The following HERC1 variants were observed in gnomAD, a reference collection of about 807,000 sequenced individuals.
The protein encoded by HERC1 is probable E3 ubiquitin-protein ligase HERC1.
A neutral mutation model predicts 554.3 loss-of-function variants in HERC1; 160 were observed. The observed-to-expected ratio is 0.29, with a 90% CI of 0.25 to 0.33. The LOEUF is 0.33. Among genes scored for constraint, HERC1 ranks in the 10% least tolerant of loss-of-function variants. HERC1 has a pLI of 1.00. For missense variants in HERC1, 4,919 were observed against 5,918.5 expected (o/e 0.83, Z 5.54); for synonymous variants, 2,175 against 2,131.7 (o/e 1.02, Z -0.56).
At chr15:63,774,509 CTG>C (rs1302839946) in intron 2 of HERC1, among the ~76,000 whole-genome samples, 183 bp downstream of exon 2, 1 of 152,204 alleles carries the variant, frequency 6.6e-6, no homozygotes, top group Non-Finnish European at 1.5e-5. Flanking sequence ...AGTCTTAACA[CTG>C]TACCAACCAT....
At chr15:63,667,045 GC>G (rs1275310581) in intron 40 of HERC1, among the ~76,000 whole-genome samples, 3 of 152,188 alleles carry the variant, frequency 2.0e-5, no homozygotes, top group African/African-American at 7.2e-5. Flanking sequence ...GCACAAGGAT[GC>G]TGTAATGTGC....
At chr15:63,740,866 T>G (rs1396597511) in intron 12 of HERC1, among the ~76,000 whole-genome samples, 1 of 152,230 alleles carries the variant, frequency 6.6e-6, no homozygotes. Context: ...TCTCCCATTC[T>G]GTGTGCTGTC....
intron 21 of HERC1, 99 bp from the exon 22 acceptor site, chr15:63,716,572 G>T: frequency 1.0e-6 from 1 of 976,262 alleles, no homozygotes; most frequent in Non-Finnish European, 1.5e-6. Flanking sequence ...AAATATTGTT[G>T]ATATCAGTAA....
rs1422765155 is a variant in HERC1, at chr15:63,758,902, T to TC, written c.1027-534_1027-533insG. Among the ~76,000 whole-genome samples, 4 of 151,560 alleles carry TC rather than the reference T, an allele frequency of 2.6e-5. No individual in the cohort carries two copies. The highest frequency in any genetic ancestry group is 9.7e-5 in the African/African-American group (4 of 41,214). On this transcript the variant is annotated intron_variant, in intron 3 of 77. Coordinates refer to ENST00000443617, the MANE Select transcript of HERC1 (RefSeq NM_003922.4). The surrounding 1 kb of genome is among the most constrained non-coding windows in gnomAD (Gnocchi z 4.0). ...CTCAACCACTTCCCCACCCCCAACT[T>TC]TTTTTTTAAATAGATGGGGTCTCAT...
intron 19 of HERC1, among the ~76,000 whole-genome samples, chr15:63,721,433 G>A (rs2073816042): frequency 6.6e-6 from 1 of 152,142 alleles, no homozygotes; most frequent in Non-Finnish European, 1.5e-5. Flanking sequence ...GGCTGAGGCA[G>A]GAGAATCGTT....
At chr15:63,731,537 C>T (rs2074292221) in intron 14 of HERC1, among the ~76,000 whole-genome samples, 1 of 152,074 alleles carries the variant, frequency 6.6e-6, no homozygotes, top group African/African-American at 2.4e-5. Context: ...CAATATTGTT[C>T]TTATCCATTT....
At chr15:63,743,131 C>G (rs1276084588) in intron 12 of HERC1, among the ~76,000 whole-genome samples, 4 of 151,950 alleles carry the variant, frequency 2.6e-5, no homozygotes, top group African/African-American at 9.7e-5. Flanking sequence ...TGAGATTTTT[C>G]TTTAAGGCCA....
intron 51 of HERC1, 112 bp from the exon 52 acceptor site, chr15:63,652,653 C>T: frequency 1.1e-6 from 1 of 880,492 alleles, no homozygotes; most frequent in Non-Finnish European, 1.7e-6. Context: ...AGAAAAGCAT[C>T]CATTCCTTTC....
Position 63,734,872 on chromosome 15 carries a change from T to C in HERC1, c.2521-23A>G. 10 of 1,601,190 alleles carry C rather than the reference T, an allele frequency of 6.2e-6. No individual in the cohort carries two copies. The highest frequency in any genetic ancestry group is 1.7e-4 in the Middle Eastern group (1 of 6,030). ...CACCTAATATCAAAAGAGAAAAGTA[T>C]ACTGATTGGCCTGGTTCTTAGTTTT... is the stretch of plus-strand genomic sequence containing the variant. On this transcript the variant is annotated intron_variant, in intron 12 of 77. Coordinates refer to ENST00000443617, the MANE Select transcript of HERC1 (RefSeq NM_003922.4). The surrounding 1 kb of genome is among the most constrained non-coding windows in gnomAD (Gnocchi z 4.6).
chr15:63,713,774 G>A, intron 22 of HERC1, 109 bp from the exon 23 acceptor site: 1 of 924,094 alleles, frequency 1.1e-6, no homozygotes, highest in Non-Finnish European at 1.6e-6. Context: ...ACTGAAAGAG[G>A]GAAAAATTAT....
At chr15:63,788,274 A>G (rs2076520518) in intron 1 of HERC1, among the ~76,000 whole-genome samples, 1 of 152,208 alleles carries the variant, frequency 6.6e-6, no homozygotes, top group Non-Finnish European at 1.5e-5. Flanking sequence ...TATGCCCTCA[A>G]TGAAGGATGC....
intron 1 of HERC1, among the ~76,000 whole-genome samples, chr15:63,813,430 C>T (rs540330532): frequency 1.3e-5 from 2 of 151,480 alleles, no homozygotes; most frequent in South Asian, 2.1e-4. Flanking sequence ...TTAATGTTTA[C>T]AAAATCTGAG....
intron 70 of HERC1, among the ~76,000 whole-genome samples, chr15:63,627,679 A>G (rs2068360246): frequency 6.6e-6 from 1 of 151,826 alleles, no homozygotes; most frequent in Non-Finnish European, 1.5e-5. Context: ...GTCTCGAAAA[A>G]AAAAAAAAAA....
rs36115945 is a variant in HERC1, at chr15:63,695,025, A to AG, written c.5122-132_5122-131insC. The AG allele has an allele frequency of 0.83, 646,314 of 775,536 alleles. 279,282 individuals carry two copies. The highest frequency in any genetic ancestry group is 0.89 in the Non-Finnish European group (477,356 of 539,210). 48.0% of individuals were successfully genotyped at this position (775,536 alleles called of 1,614,324 possible). A position where few individuals can be genotyped will look rare whatever the true frequency, so the allele number is the denominator to read the frequency against. On this transcript the variant is annotated intron_variant, in intron 27 of 77. Transcript: ENST00000443617. ...GGTTTTTAATTATTTACTATATTTC[A>AG]TATATAAAGTATATAATAATTTTTT...
intron 13 of HERC1, 121 bp from the exon 14 acceptor site, chr15:63,733,266 G>T: frequency 1.5e-6 from 1 of 660,068 alleles, no homozygotes; most frequent in Non-Finnish European, 2.6e-6. Context: ...ATCATCTTCA[G>T]GAAGTACATA....
At position 63,633,945 on chromosome 15, in the gene HERC1, A is replaced by C. The variant is rs1183703195; in HGVS notation, c.12596T>G (p.Leu4199Trp). 6.2e-7 allele frequency: 1 copy of C among 1,613,952 alleles called. No homozygotes were observed. Among genetic ancestry groups the C allele is most frequent in the East Asian group, 2.2e-5 (1 of 44,872 alleles). The change falls in exon 67 of 78, where the codon TTG becomes TGG. Residue 4199 changes from leucine to tryptophan, a missense_variant. Transcript: ENST00000443617. ...GQVACGLNHT[L>W]AVSADGSMVW... Reference sequence around the variant, plus strand: ...CATGGAACCATCTGCTGACACTGCCAAAGTGTGGTTTAATCCACAGGCCAC... The same window carrying C: ...CATGGAACCATCTGCTGACACTGCCCAAGTGTGGTTTAATCCACAGGCCAC...
In HERC1 at chr15:63,723,169, T is replaced by C. The variant is rs2073894195; in HGVS notation, c.3742+13A>G. On this transcript the variant is annotated intron_variant, in intron 19 of 77. Transcript: ENST00000443617. Reference sequence around the variant, plus strand: ...TAACTACAAATTTACTCCCTTTATCTTCTTTATCTTACCTTTACTAACAGC... The same window carrying C: ...TAACTACAAATTTACTCCCTTTATCCTCTTTATCTTACCTTTACTAACAGC... 7.1e-7 allele frequency: 1 copy of C among 1,403,122 alleles called. No homozygotes were observed. The highest frequency in any genetic ancestry group is 9.4e-7 in the Non-Finnish European group (1 of 1,065,496). The allele number at this position is 1,403,122 out of a possible 1,614,324, so 86.9% of individuals were successfully genotyped here.
At chr15:63,765,083 C>T (rs551970414) in intron 2 of HERC1, among the ~76,000 whole-genome samples, 4 of 152,196 alleles carry the variant, frequency 2.6e-5, no homozygotes, top group East Asian at 3.9e-4. Context: ...CCTTTTGTTC[C>T]GAAGCAGATA....
intron 22 of HERC1, among the ~76,000 whole-genome samples, chr15:63,714,405 A>T (rs1271148902): frequency 6.6e-6 from 1 of 152,216 alleles, no homozygotes; most frequent in East Asian, 1.9e-4. Context: ...TGGCATCACC[A>T]GGAATACCCA....
Sources: allele counts gnomAD v4.1 joint callset (sites outside exome capture counted in the v4.1 genomes callset), GRCh38; gene constraint gnomAD v4.1.1; non-coding constraint Gnocchi (gnomAD v3.1); transcripts MANE v1.5; gene names NCBI Gene and HGNC (gene_info 2026-07-23, HGNC 2026-07-21).